The following KDM4C variants were observed in gnomAD, a reference collection of about 807,000 sequenced individuals.
KDM4C encodes lysine-specific demethylase 4C.
A neutral mutation model predicts 129.3 loss-of-function variants in KDM4C; 81 were observed. That is an observed-to-expected ratio of 0.63 (90% CI 0.52 to 0.75). The LOEUF (loss-of-function observed/expected upper bound fraction) is 0.75. Among genes scored for constraint, KDM4C ranks in the 30% least tolerant of loss-of-function variants. The pLI is 0.00. For synonymous variants in KDM4C, 573 were observed against 456.1 expected, an observed-to-expected ratio of 1.26 and a Z score of -3.26; for missense variants, 1,457 against 1,304.0, an observed-to-expected ratio of 1.12 and a Z score of -1.81.
At chr9:7,158,792 T>G (rs117651740) in intron 19 of KDM4C, among the ~76,000 whole-genome samples, 6,984 of 152,240 alleles carry the variant, frequency 0.046, 385 homozygotes, top group East Asian at 0.26. Flanking sequence ...AAGTGCAATG[T>G]GGTGTTGGGA....
At chr9:6,799,308 A>C (rs1588345931) in intron 2 of KDM4C, among the ~76,000 whole-genome samples, 1 of 152,244 alleles carries the variant, frequency 6.6e-6, no homozygotes, top group Admixed American at 6.5e-5. Flanking sequence ...TCTGTCTGCA[A>C]TCCCGGCATC....
chr9:6,937,572 A>G (rs1309269568), intron 8 of KDM4C, among the ~76,000 whole-genome samples: 1 of 152,106 alleles, frequency 6.6e-6, no homozygotes, highest in Non-Finnish European at 1.5e-5. Context: ...CAAACAAGCC[A>G]TTCTTACCTG....
chr9:6,745,598 AT>A lies in KDM4C; in HGVS notation c.49+24602del, dbSNP rs377073141. ...GTCTCCAAAAAAAAAAAAAAAAAAA[AT>A]GCCATACTATATTTATTGTATTATG... is the stretch of plus-strand genomic sequence containing the variant. On this transcript the variant is annotated intron_variant, in intron 1 of 17. Transcript: ENST00000536108. 1.4e-3 allele frequency among the ~76,000 whole-genome samples: 205 copies of A among 145,432 alleles called. 1 individual carries two copies. The highest frequency in any genetic ancestry group is 9.3e-3 in the East Asian group (46 of 4,936).
rs750069229 is a variant in KDM4C, at chr9:7,128,102, C to G, written c.2647C>G (p.Gln883Glu). 3 of 1,607,568 alleles carry G rather than the reference C, an allele frequency of 1.9e-6. No individual in the cohort carries two copies. In the South Asian group the frequency reaches 3.3e-5, roughly 18 times the overall value. The change falls in exon 19 of 22, where the codon CAA becomes GAA. Residue 883 changes from glutamine (Q) to glutamate (E), a missense_variant. Coordinates refer to ENST00000381309, the MANE Select transcript of KDM4C (RefSeq NM_015061.6). ...KACEKVISVG[Q>E]TVITKHRNTR... Reference sequence around the variant, plus strand: ...TTGCGAGAAGGTCATTTCCGTGGGTCAAACGGTCATCACGAAGCATCGGAA... The same window carrying G: ...TTGCGAGAAGGTCATTTCCGTGGGTGAAACGGTCATCACGAAGCATCGGAA...
chr9:6,847,422 G>A (rs193156935), intron 4 of KDM4C, among the ~76,000 whole-genome samples: 85 of 151,248 alleles, frequency 5.6e-4, no homozygotes, highest in African/African-American at 2.0e-3. Flanking sequence ...TTTTTGAGAC[G>A]GAGTCTTGCT....
chr9:6,740,249 G>T (rs1326925227), intron 1 of KDM4C, among the ~76,000 whole-genome samples: 4 of 151,802 alleles, frequency 2.6e-5, no homozygotes, highest in African/African-American at 9.7e-5. Flanking sequence ...TGTTGCCCAG[G>T]CTGGAGTGCA....
chr9:7,115,606 T>C (rs116592838), intron 18 of KDM4C, among the ~76,000 whole-genome samples: 1 of 152,156 alleles, frequency 6.6e-6, no homozygotes, highest in East Asian at 1.9e-4. Flanking sequence ...ACTGACAAAA[T>C]GTAATGAAAG....
At chr9:7,027,216 T>A (rs1302414340) in intron 15 of KDM4C, among the ~76,000 whole-genome samples, 1 of 152,192 alleles carries the variant, frequency 6.6e-6, no homozygotes, top group East Asian at 1.9e-4. Flanking sequence ...GGCTGGTTTT[T>A]ACCCATTCTC....
intron 8 of KDM4C, among the ~76,000 whole-genome samples, chr9:6,898,312 A>G (rs1393875052): frequency 2.0e-5 from 3 of 152,216 alleles, no homozygotes; most frequent in African/African-American, 7.2e-5. Context: ...CTTGAGTAAA[A>G]AAGAATCATT....
chr9:7,082,095 C>G (rs141606580), intron 17 of KDM4C, among the ~76,000 whole-genome samples: 1 of 152,182 alleles, frequency 6.6e-6, no homozygotes, highest in Non-Finnish European at 1.5e-5. Context: ...AAACCACCTT[C>G]TCTAGAGATT....
chr9:6,836,334 T>G (rs985229521), intron 4 of KDM4C, among the ~76,000 whole-genome samples: 1 of 152,100 alleles, frequency 6.6e-6, no homozygotes, highest in Non-Finnish European at 1.5e-5. Flanking sequence ...ATCATGCCAT[T>G]GCACTCCAGC....
chr9:6,939,658 T>C (rs891137935), intron 8 of KDM4C, among the ~76,000 whole-genome samples: 3 of 152,166 alleles, frequency 2.0e-5, no homozygotes, highest in African/African-American at 7.2e-5. Flanking sequence ...AGCTATCACA[T>C]AGTTACTTTA....
At chr9:7,075,180 G>A (rs1023881254) in intron 17 of KDM4C, among the ~76,000 whole-genome samples, 8 of 152,162 alleles carry the variant, frequency 5.3e-5, no homozygotes, top group Admixed American at 4.6e-4. Flanking sequence ...GCATCCCCCA[G>A]AACGGATCCC....
At position 7,087,924 on chromosome 9, in the gene KDM4C, G is replaced by A. The variant is rs566592189; in HGVS notation, c.2425-15761G>A. Among the ~76,000 whole-genome samples, 20 of 152,340 alleles carry A rather than the reference G, an allele frequency of 1.3e-4. No homozygotes were observed. In the South Asian group the frequency reaches 4.1e-3, roughly 32 times the overall value. On this transcript the variant is annotated intron_variant, in intron 17 of 21. Coordinates refer to ENST00000381309, the MANE Select transcript of KDM4C (RefSeq NM_015061.6). ...TTTTTCAAAATTCTATCTACATCCAGTTTATGGAGAACGCCGATTTGTAAT... is the reference window on the plus strand; with the variant it reads ...TTTTTCAAAATTCTATCTACATCCAATTTATGGAGAACGCCGATTTGTAAT...
At chr9:7,168,631 TG>T (rs142842612) in intron 20 of KDM4C, among the ~76,000 whole-genome samples, 23,430 of 152,186 alleles carry the variant, frequency 0.15, 1,918 homozygotes, top group Middle Eastern at 0.2. Flanking sequence ...CACACATTGA[TG>T]AGGTTTACAT....
chr9:6,757,422 T>C (rs572052188), upstream of KDM4C, among the ~76,000 whole-genome samples: 223 of 152,238 alleles, frequency 1.5e-3, no homozygotes, highest in African/African-American at 5.2e-3. Flanking sequence ...TGCGCGGTAG[T>C]TGTTAAAGGG....
intron 8 of KDM4C, among the ~76,000 whole-genome samples, chr9:6,929,225 G>C (rs1823203945): frequency 6.6e-6 from 1 of 152,134 alleles, no homozygotes; most frequent in Non-Finnish European, 1.5e-5. Context: ...TCTAATATCT[G>C]TTATAGGTCA....
At chr9:6,827,877 T>A (rs942223297) in intron 4 of KDM4C, among the ~76,000 whole-genome samples, 1 of 152,186 alleles carries the variant, frequency 6.6e-6, no homozygotes, top group South Asian at 2.1e-4. Flanking sequence ...GGCTGCTCTT[T>A]AGTGAAGCAG....
At chr9:6,732,235 G>GT (rs1817366770) in intron 1 of KDM4C, among the ~76,000 whole-genome samples, 2 of 151,032 alleles carry the variant, frequency 1.3e-5, no homozygotes, top group African/African-American at 2.4e-5. Flanking sequence ...CGTGGTGGTG[G>GT]GCGCCTGTAG....
Sources: gnomAD v4.1 joint callset for allele counts (sites outside exome capture counted in the v4.1 genomes callset) on GRCh38, gnomAD v4.1.1 for gene constraint, MANE v1.5 for transcripts, NCBI Gene and HGNC (gene_info 2026-07-23, HGNC 2026-07-21) for gene names.